Variants in HK2 observed in about 807,000 individuals in gnomAD.
HK2 encodes the protein hexokinase 2, also known as hexokinase-2.
In HK2, 42 loss-of-function variants were observed where a neutral mutation model predicts 92.9. That is an observed-to-expected ratio of 0.45 (90% CI 0.35 to 0.58). HK2 has a LOEUF of 0.58. Ranked by LOEUF, HK2 falls within the 20% of genes least tolerant of loss-of-function variation. HK2 has a pLI of 0.00. For synonymous variants in HK2, 422 were observed against 468.0 expected (o/e 0.90, Z 1.27); for missense variants, 978 against 1,245.1 (o/e 0.79, Z 3.23).
chr2:74,875,608 C>T (rs764759775), intron 7 of HK2, among the ~76,000 whole-genome samples: 8 of 152,100 alleles, frequency 5.3e-5, no homozygotes, highest in Non-Finnish European at 1.0e-4. Context: ...GGATTACAGG[C>T]GTGAGCCACC....
intron 1 of HK2, among the ~76,000 whole-genome samples, chr2:74,839,276 C>T (rs1417159999): frequency 6.6e-6 from 1 of 152,138 alleles, no homozygotes; most frequent in Admixed American, 6.5e-5. Flanking sequence ...ATGGGTGGGG[C>T]TGGAGTTAGA....
Position 74,880,552 on chromosome 2 carries a change from C to G in HK2, c.1553C>G (p.Ala518Gly), listed in dbSNP as rs1011508071. Residue 518 changes from alanine (A) to glycine (G), a missense_variant, in exon 10 of 18, where the codon GCT (alanine) becomes GGT (glycine). Transcript: ENST00000290573. ...AAGATGCTGCCCACCTACGTGTGTG[C>G]TACCCCGGACGGCACAGGTACACGG... ...PVKMLPTYVC[A>G]TPDGTEKGDF... The G allele has an allele frequency of 2.5e-6, 4 of 1,613,914 alleles. No individual in the cohort carries two copies. Among genetic ancestry groups the G allele is most frequent in the Non-Finnish European group, 3.4e-6 (4 of 1,179,858 alleles).
At chr2:74,855,498 G>A (rs372964956) in intron 2 of HK2, among the ~76,000 whole-genome samples, 2 of 152,222 alleles carry the variant, frequency 1.3e-5, no homozygotes, top group East Asian at 1.9e-4. Context: ...GCCTCCCAAA[G>A]TGCTGGGATT....
chr2:74,889,426 G>A lies in HK2; in HGVS notation c.2557G>A (p.Ala853Thr), dbSNP rs369758584. The A allele has an allele frequency of 5.8e-5, 94 of 1,613,744 alleles. No homozygotes were observed. The highest frequency in any genetic ancestry group is 2.1e-4 in the African/African-American group (16 of 74,916). The stretch of plus-strand genomic sequence containing the variant: ...GATACGAGAAAACCGTGGGCTGGAC[G>A]CTCTCAAAGTGACAGTGGGTGTGGA... ...DRIRENRGLD[A>T]LKVTVGVDGT... Residue 853 changes from alanine (A) to threonine (T), a missense_variant, in exon 17 of 18, where the codon GCT becomes ACT. Physicochemically the swap from Ala to Thr is moderately conservative, Grantham distance 58. Coordinates refer to ENST00000290573, the MANE Select transcript of HK2 (RefSeq NM_000189.5).
Position 74,878,816 on chromosome 2 carries a change from C to T in HK2, c.1160C>T (p.Ala387Val). 5 of 1,561,176 alleles carry T rather than the reference C, an allele frequency of 3.2e-6. No homozygotes were observed. Among genetic ancestry groups the T allele is most frequent in the Non-Finnish European group, 4.3e-6 (5 of 1,152,262 alleles). The part of the protein sequence containing the change: ...IVSTRSASLC[A>V]ATLAAVLQRI... ...TCCACACGCTCCGCCAGCCTGTGCG[C>T]AGCCACCCTGGCCGCCGTGCTGCAG... The change falls in exon 9 of 18, where the codon GCA becomes GTA. Residue 387 changes from alanine (A) to valine (V), a missense_variant. By Grantham distance (64) the Ala-to-Val change is moderately conservative (BLOSUM62 0). Around this residue, in one of 3 missense-constraint regions of HK2, gnomAD observed 742 missense variants for 922.5 expected, o/e 0.80. Coordinates refer to ENST00000290573, the MANE Select transcript of HK2 (RefSeq NM_000189.5).
In HK2 at chr2:74,885,524, A is replaced by G; in HGVS notation, c.1870A>G (p.Lys624Glu). ...CCTCCTCAAGTGGACAAAAGGCTTC[A>G]AGGCATCTGGCTGCGAGGGCGAGGA... ...SILLKWTKGF[K>E]ASGCEGEDVV... The change falls in exon 13 of 18, where the codon AAG becomes GAG. Residue 624 changes from lysine to glutamate, a missense_variant. Physicochemically the swap from Lys to Glu is moderately conservative, Grantham distance 56. Coordinates refer to ENST00000290573, the MANE Select transcript of HK2 (RefSeq NM_000189.5). The G allele has an allele frequency of 6.2e-7, 1 of 1,613,962 alleles. No homozygotes were observed. The highest frequency in any genetic ancestry group is 8.5e-7 in the Non-Finnish European group (1 of 1,179,888).
chr2:74,874,477 G>T (rs200965371), intron 7 of HK2, 28 bp downstream of exon 7: 1 of 1,567,486 alleles, frequency 6.4e-7, no homozygotes, highest in East Asian at 2.4e-5. Context: ...GTGCGAGTGG[G>T]CTTGGCGGGG....
chr2:74,869,056 G>A (rs1689031557), intron 3 of HK2, among the ~76,000 whole-genome samples: 1 of 151,280 alleles, frequency 6.6e-6, no homozygotes. Flanking sequence ...AGACCACCTA[G>A]TTAGAGGGTA....
chr2:74,860,340 TA>T (rs941497640), intron 2 of HK2, among the ~76,000 whole-genome samples: 4 of 151,902 alleles, frequency 2.6e-5, no homozygotes, highest in East Asian at 1.9e-4. Flanking sequence ...TTTAAACAAC[TA>T]AAAAAAACCT....
At chr2:74,868,806 A>G (rs1176653528) in intron 3 of HK2, among the ~76,000 whole-genome samples, 1 of 152,214 alleles carries the variant, frequency 6.6e-6, no homozygotes, top group Non-Finnish European at 1.5e-5. Context: ...GATTATGTAA[A>G]AGACTTGTAA....
chr2:74,867,853 C>G (rs567994717), intron 3 of HK2, 69 bp downstream of exon 3: 4 of 1,567,488 alleles, frequency 2.6e-6, no homozygotes, highest in South Asian at 2.2e-5. Context: ...TCTGTACTTT[C>G]TCCAGCCGCT....
At chr2:74,883,757 T>TG (rs745395488) in intron 12 of HK2, among the ~76,000 whole-genome samples, 8 of 152,252 alleles carry the variant, frequency 5.3e-5, no homozygotes, top group South Asian at 4.1e-4. Context: ...ATGCCTCATG[T>TG]GGACAAATTC....
rs1689680355 is a variant in HK2, at chr2:74,891,598, T to C, written c.*657T>C. 1 of 152,634 alleles carries C rather than the reference T, an allele frequency of 6.6e-6. No homozygotes were observed. The highest frequency in any genetic ancestry group is 1.5e-5 in the Non-Finnish European group (1 of 68,332). 9.5% of individuals were successfully genotyped at this position (152,634 alleles called of 1,614,324 possible). On this transcript the variant is annotated 3_prime_UTR_variant, in exon 18 of 18. Transcript: ENST00000290573. Reference sequence around the variant, plus strand: ...GCCAGGAGTTGACGCATCCTGCAGTTGGGCCAGCTGTCGCATCTCAGCGGG... The same window carrying C: ...GCCAGGAGTTGACGCATCCTGCAGTCGGGCCAGCTGTCGCATCTCAGCGGG...
chr2:74,843,002 C>CA (rs1688352414), intron 1 of HK2, among the ~76,000 whole-genome samples: 3 of 152,192 alleles, frequency 2.0e-5, no homozygotes, highest in Admixed American at 2.0e-4. Context: ...TCATATTCTT[C>CA]TGCTGTGGAG....
intron 17 of HK2, among the ~76,000 whole-genome samples, 197 bp from the exon 18 acceptor site, chr2:74,890,600 T>C (rs770289580): frequency 6.6e-6 from 1 of 152,230 alleles, no homozygotes; most frequent in Non-Finnish European, 1.5e-5. Flanking sequence ...GGCATAGTAC[T>C]AGTGTCTCCA....
Position 74,877,189 on chromosome 2 carries a change from T to G in HK2, c.899T>G (p.Met300Arg). The change falls in exon 8 of 18, where the codon ATG becomes AGG. Residue 300 changes from methionine to arginine, a missense_variant. By Grantham distance (91) the Met-to-Arg change is moderately conservative. Around this residue, in one of 3 missense-constraint regions of HK2, gnomAD observed 742 missense variants for 922.5 expected, o/e 0.80. Transcript: ENST00000290573. ...KQLFEKMISG[M>R]YMGELVRLIL... Reference sequence around the variant, plus strand: ...AGGTTTGAGAAGATGATCAGTGGGATGTACATGGGGGAGCTGGTGAGGCTT... The same window carrying G: ...AGGTTTGAGAAGATGATCAGTGGGAGGTACATGGGGGAGCTGGTGAGGCTT... 1 of 1,614,110 alleles carries G rather than the reference T, an allele frequency of 6.2e-7. No individual in the cohort carries two copies. Among genetic ancestry groups the G allele is most frequent in the Non-Finnish European group, 8.5e-7 (1 of 1,180,034 alleles).
chr2:74,875,421 C>T lies in HK2; in HGVS notation c.875+972C>T, dbSNP rs562112101. 5.9e-5 allele frequency among the ~76,000 whole-genome samples: 9 copies of T among 151,646 alleles called. No homozygotes were observed. The South Asian group carries it at 6.3e-4, about 11-fold the overall frequency. On this transcript the variant is annotated intron_variant, in intron 7 of 17. Coordinates refer to ENST00000290573, the MANE Select transcript of HK2 (RefSeq NM_000189.5). The stretch of plus-strand genomic sequence containing the variant: ...TTGGCTCACCGCAATCTCTGCCTCC[C>T]GGGTTCAAGCGATTCTCCTACCTCA...
At chr2:74,855,431 G>A (rs1043427365) in intron 2 of HK2, among the ~76,000 whole-genome samples, 5 of 152,098 alleles carry the variant, frequency 3.3e-5, no homozygotes, top group Admixed American at 6.5e-5. Context: ...GCGCAGTGGC[G>A]TGATCTCCAT....
chr2:74,880,343 C>T lies in HK2; in HGVS notation c.1344C>T (p.Gly448=). The T allele has an allele frequency of 6.2e-7, 1 of 1,614,202 alleles. No individual in the cohort carries two copies. Among genetic ancestry groups the T allele is most frequent in the Non-Finnish European group, 8.5e-7 (1 of 1,180,030 alleles). ...TCCGCTTCCTCCGCTCCGAGGATGG[C>T]AGTGGCAAAGGTGCAGCCATGGTGA... ...CDVRFLRSED[G]SGKGAAMVTA... The change falls in exon 10 of 18, where the codon GGC becomes GGT. Residue 448 remains glycine (G), a synonymous_variant. Transcript: ENST00000290573.
Sources: gnomAD v4.1 joint callset for allele counts (sites outside exome capture counted in the v4.1 genomes callset) on GRCh38, gnomAD v4.1.1 for gene constraint, gnomAD v4.1.1 regional missense constraint, MANE v1.5 for transcripts, NCBI Gene and HGNC (gene_info 2026-07-23, HGNC 2026-07-21) for gene names.